The following KIAA1549L variants were observed in gnomAD, a reference collection of about 807,000 sequenced individuals.
KIAA1549L encodes the protein KIAA1549 like, also known as UPF0606 protein KIAA1549L.
In KIAA1549L, 88 loss-of-function variants were observed where a neutral mutation model predicts 160.7. The ratio of observed to expected loss-of-function variants is 0.55; its 90% CI spans 0.46 to 0.65. The LOEUF is 0.65. KIAA1549L is among the 30% of genes least tolerant of loss of function. KIAA1549L has a pLI of 0.00. For synonymous variants in KIAA1549L, 950 were observed against 976.7 expected (o/e 0.97, Z 0.51); for missense variants, 2,258 against 2,437.5 (o/e 0.93, Z 1.55).
intron 1 of KIAA1549L, among the ~76,000 whole-genome samples, chr11:33,460,451 G>A (rs1283852412): frequency 6.6e-6 from 1 of 152,196 alleles, no homozygotes; most frequent in Non-Finnish European, 1.5e-5. Context: ...ACCCATATGG[G>A]CGTGAGTGAG....
chr11:33,544,230 C>T lies in KIAA1549L; in HGVS notation c.2667C>T (p.Asn889=). The change falls in exon 2 of 21, where the codon AAC becomes AAT. Residue 889 remains asparagine (N), a synonymous_variant. Coordinates refer to ENST00000658780, the MANE Select transcript of KIAA1549L (RefSeq NM_012194.3). ...PERNASTPFQ[N]ILGYHSAAES... ...GAAATGCTTCCACACCATTCCAGAACATCTTGGGATATCACTCTGCTGCTG... is the reference window on the plus strand; with the variant it reads ...GAAATGCTTCCACACCATTCCAGAATATCTTGGGATATCACTCTGCTGCTG... 1 of 1,613,994 alleles carries T rather than the reference C, an allele frequency of 6.2e-7. No homozygotes were observed.
At chr11:33,440,071 C>T (rs1174117324) in intron 1 of KIAA1549L, among the ~76,000 whole-genome samples, 1 of 150,224 alleles carries the variant, frequency 6.7e-6, no homozygotes, top group Non-Finnish European at 1.5e-5. Context: ...TTTCTTTTTG[C>T]CCCCATTTGT....
chr11:33,518,024 C>T (rs1853389789), intron 1 of KIAA1549L, among the ~76,000 whole-genome samples: 1 of 150,392 alleles, frequency 6.6e-6, no homozygotes, highest in Non-Finnish European at 1.5e-5. Context: ...CCTGTAACCC[C>T]AGCTACTAGG....
chr11:33,580,299 C>T (rs35656246), intron 10 of KIAA1549L, among the ~76,000 whole-genome samples: 47 of 152,148 alleles, frequency 3.1e-4, no homozygotes, highest in Admixed American at 1.3e-4. Flanking sequence ...CTTGGCTGGG[C>T]GCAGTGGCTC....
At position 33,568,117 on chromosome 11, in the gene KIAA1549L, C is replaced by G; in HGVS notation, c.4120C>G (p.Gln1374Glu). ...VDNSLVGLHN[Q>E]SFARVMEQRL... ...CAATTCGCTGGTGGGCCTGCACAAC[C>G]AGAGCTTTGCCCGGGTCATGGAGCA... Residue 1374 changes from glutamine (Q) to glutamate (E), a missense_variant, in exon 9 of 21, where the codon CAG becomes GAG. This residue lies in a region of KIAA1549L where 1,359 missense variants were observed against 1,546.6 expected (regional missense o/e 0.88). Coordinates refer to ENST00000658780, the MANE Select transcript of KIAA1549L (RefSeq NM_012194.3). 6.2e-7 allele frequency: 1 copy of G among 1,612,804 alleles called. No homozygotes were observed. The highest frequency in any genetic ancestry group is 8.5e-7 in the Non-Finnish European group (1 of 1,179,462).
At chr11:33,516,688 A>C (rs1853351477) in intron 1 of KIAA1549L, among the ~76,000 whole-genome samples, 1 of 152,092 alleles carries the variant, frequency 6.6e-6, no homozygotes, top group Admixed American at 6.5e-5. Flanking sequence ...GTCTTAAAAC[A>C]AACAAACAAA....
rs1852673395 is a variant in KIAA1549L, at chr11:33,671,532, T to C, written c.*3378T>C. The C allele has an allele frequency of 6.6e-6, 1 of 151,840 alleles. No individual in the cohort carries two copies. The highest frequency in any genetic ancestry group is 6.6e-5 in the Admixed American group (1 of 15,222). 9.4% of individuals were successfully genotyped at this position (151,840 alleles called of 1,614,324 possible). On this transcript the variant is annotated 3_prime_UTR_variant, in exon 21 of 21. Transcript: ENST00000658780. ...AGAACTCACTCAGCAGAAGGACATG[T>C]AATGTCTGAGTAATCTTGATGGAAG...
At chr11:33,443,132 A>G (rs1851542703) in intron 1 of KIAA1549L, among the ~76,000 whole-genome samples, 2 of 152,016 alleles carry the variant, frequency 1.3e-5, no homozygotes, top group South Asian at 4.2e-4. Flanking sequence ...TAATATTTCC[A>G]GTTTTCTGAT....
At chr11:33,612,219 GTAT>G (rs956010619) in intron 15 of KIAA1549L, among the ~76,000 whole-genome samples, 7 of 152,158 alleles carry the variant, frequency 4.6e-5, no homozygotes, top group African/African-American at 1.7e-4. Context: ...AAGCTCAGAG[GTAT>G]TATTCTTGAC....
At chr11:33,594,680 C>A (rs747958885) in intron 12 of KIAA1549L, among the ~76,000 whole-genome samples, 7 of 152,214 alleles carry the variant, frequency 4.6e-5, no homozygotes, top group Admixed American at 1.3e-4. Flanking sequence ...AGTCCAGACT[C>A]AGCATGAGAG....
chr11:33,454,474 G>A (rs897666710), intron 1 of KIAA1549L, among the ~76,000 whole-genome samples: 4 of 152,150 alleles, frequency 2.6e-5, no homozygotes, highest in African/African-American at 9.7e-5. Context: ...CCTGGGGTAG[G>A]TCTAAATAGT....
intron 1 of KIAA1549L, among the ~76,000 whole-genome samples, chr11:33,526,168 A>G (rs11032291): frequency 0.25 from 38,157 of 152,046 alleles, 4,904 homozygotes; most frequent in East Asian, 0.34. Flanking sequence ...CTACTACTGC[A>G]GCTTATGCTC....
At chr11:33,581,836 G>C (rs1168212148) in intron 10 of KIAA1549L, among the ~76,000 whole-genome samples, 1 of 152,194 alleles carries the variant, frequency 6.6e-6, no homozygotes, top group Admixed American at 6.5e-5. Context: ...GATAAAATCT[G>C]TTCTGTTTAT....
rs957946749 is a variant in KIAA1549L at position 33,670,928 on chromosome 11, A to G, written c.*2774A>G. The G allele has an allele frequency of 1.3e-5, 2 of 152,184 alleles. No individual in the cohort carries two copies. The highest frequency in any genetic ancestry group is 4.8e-5 in the African/African-American group (2 of 41,440). The allele number at this position is 152,184 out of a possible 1,614,324, so 9.4% of individuals were successfully genotyped here. A position where few individuals can be genotyped will look rare whatever the true frequency, so the allele number is the denominator to read the frequency against. ...TGGTTCACGAACCTGCTTGCTTTCCATCTCGCCATGTGGCCTGCAGGCTTG... is the reference window on the plus strand; with the variant it reads ...TGGTTCACGAACCTGCTTGCTTTCCGTCTCGCCATGTGGCCTGCAGGCTTG... On this transcript the variant is annotated 3_prime_UTR_variant, in exon 21 of 21. Transcript: ENST00000658780.
intron 1 of KIAA1549L, among the ~76,000 whole-genome samples, chr11:33,397,026 T>C (rs1017151932): frequency 5.9e-5 from 9 of 151,814 alleles, no homozygotes; most frequent in African/African-American, 2.2e-4. Flanking sequence ...TTTATCATAA[T>C]TTGTTTAAAA....
In KIAA1549L at chr11:33,580,135, G is replaced by A. The variant is rs567157272; in HGVS notation, c.4403-3203G>A. On this transcript the variant is annotated intron_variant, in intron 10 of 20. Transcript: ENST00000658780. ...ATTTGACTTAGGCAGCTAGAGGTTT[G>A]CATCTGGTCCATTTGCAGGGTCTGG... 1.8e-4 allele frequency among the ~76,000 whole-genome samples: 28 copies of A among 152,304 alleles called. No individual in the cohort carries two copies. In the South Asian group the frequency reaches 5.4e-3, roughly 29 times the overall value.
intron 1 of KIAA1549L, among the ~76,000 whole-genome samples, chr11:33,435,806 A>ATGTGTGTGTGTG (rs1648893053): frequency 1.0e-4 from 2 of 19,682 alleles, no homozygotes; most frequent in East Asian, 1.2e-3. Context: ...ATATATATAT[A>ATGTGTGTGTGTG]TATATGTGTG....
Position 33,541,787 on chromosome 11 carries a change from T to C in KIAA1549L, c.239-15T>C, listed in dbSNP as rs1854028713. ...GAGCATCCAACACCTGACGGCCTGATATTTTGTTTCACAGGAACAGACAAT... is the reference window on the plus strand; with the variant it reads ...GAGCATCCAACACCTGACGGCCTGACATTTTGTTTCACAGGAACAGACAAT... On this transcript the variant is annotated splice_polypyrimidine_tract_variant and intron_variant, in intron 1 of 20. Transcript: ENST00000658780. 1 of 248,748 alleles carries C rather than the reference T, an allele frequency of 4.0e-6. No homozygotes were observed. The highest frequency in any genetic ancestry group is 8.3e-6 in the Non-Finnish European group (1 of 120,474). The allele number at this position is 248,748 out of a possible 1,614,324, so 15.4% of individuals were successfully genotyped here.
At chr11:33,409,753 T>C (rs995817574) in intron 1 of KIAA1549L, among the ~76,000 whole-genome samples, 3 of 143,234 alleles carry the variant, frequency 2.1e-5, no homozygotes, top group Non-Finnish European at 3.0e-5. Context: ...GCTTTTCTTA[T>C]GTGTTCTCAC....
Sources: allele counts gnomAD v4.1 joint callset (sites outside exome capture counted in the v4.1 genomes callset), GRCh38; gene constraint gnomAD v4.1.1; regional missense constraint gnomAD v4.1.1; transcripts MANE v1.5; gene names NCBI Gene and HGNC (gene_info 2026-07-23, HGNC 2026-07-21).